GALNT18: variants seen among roughly 807,000 people sequenced by gnomAD.
GALNT18 encodes the protein GalNAc-transferase 18.
Under a neutral mutation model 69.5 loss-of-function variants are expected in GALNT18, and 44 were observed. That is an observed-to-expected ratio of 0.63 (90% confidence interval 0.50 to 0.81). GALNT18 has a LOEUF of 0.81. Among genes scored for constraint, GALNT18 ranks in the 40% least tolerant of loss-of-function variants. GALNT18 has a pLI of 0.00. For synonymous variants in GALNT18, 364 were observed against 318.2 expected (o/e 1.14, Z -1.53); for missense variants, 715 against 810.0 (o/e 0.88, Z 1.42).
At chr11:11,441,663 T>G (rs1458205302) in intron 2 of GALNT18, among the ~76,000 whole-genome samples, 2 of 152,188 alleles carry the variant, frequency 1.3e-5, no homozygotes, top group African/African-American at 2.4e-5. Context: ...GTTAAGCATT[T>G]GTACAGAACC....
At chr11:11,581,207 C>G (rs1281090580) in intron 1 of GALNT18, among the ~76,000 whole-genome samples, 2 of 152,212 alleles carry the variant, frequency 1.3e-5, no homozygotes, top group Admixed American at 6.5e-5. Context: ...GGGGCCCCGA[C>G]AGCACTGTCC....
At chr11:11,333,888 T>G (rs1850063365) in intron 7 of GALNT18, among the ~76,000 whole-genome samples, 1 of 151,870 alleles carries the variant, frequency 6.6e-6, no homozygotes, top group African/African-American at 2.4e-5. Flanking sequence ...AAAAAGCTGA[T>G]GCAAAAGCAG....
rs577366355 is a variant in GALNT18 at position 11,295,137 on chromosome 11, T to G, written c.1513-1944A>C. 1.8e-3 allele frequency among the ~76,000 whole-genome samples: 271 copies of G among 152,062 alleles called. 1 individual carries two copies. Among genetic ancestry groups the G allele is most frequent in the African/African-American group, 6.3e-3 (261 of 41,502 alleles). Reference sequence around the variant, plus strand: ...AGGCAGTGCAGGTGAGGAGGGTGAGTAAGCGTGGTCCTTCACGGCAGATTC... The same window carrying G: ...AGGCAGTGCAGGTGAGGAGGGTGAGGAAGCGTGGTCCTTCACGGCAGATTC... On this transcript the variant is annotated intron_variant, in intron 9 of 10. Transcript: ENST00000227756.
intron 1 of GALNT18, among the ~76,000 whole-genome samples, chr11:11,581,008 C>A (rs944730267): frequency 5.9e-5 from 9 of 152,266 alleles, no homozygotes; most frequent in Non-Finnish European, 1.2e-4. Flanking sequence ...TCACAGCTCC[C>A]TGCGGCCGTT....
chr11:11,372,484 C>A lies in GALNT18; in HGVS notation c.1092+31G>T. ...CTCATTCACCCTGGTGGGAGCTGAG[C>A]CGAGCAGTTTGAGTGAGAAACCCCA... On this transcript the variant is annotated intron_variant, in intron 6 of 10. Coordinates refer to ENST00000227756, the MANE Select transcript of GALNT18 (RefSeq NM_198516.3). This position sits in a 1 kb window ranked among gnomAD's most constrained non-coding sequence, Gnocchi z 4.9. 6.4e-7 allele frequency: 1 copy of A among 1,562,884 alleles called. No homozygotes were observed.
chr11:11,332,937 T>C lies in GALNT18; in HGVS notation c.1279-106A>G. The C allele has an allele frequency of 7.9e-7, 1 of 1,261,842 alleles. No homozygotes were observed. Among genetic ancestry groups the C allele is most frequent in the Non-Finnish European group, 1.1e-6 (1 of 887,120 alleles). 78.2% of individuals were successfully genotyped at this position (1,261,842 alleles called of 1,614,324 possible). On this transcript the variant is annotated intron_variant, in intron 7 of 10. Coordinates refer to ENST00000227756, the MANE Select transcript of GALNT18 (RefSeq NM_198516.3). This position sits in a 1 kb window ranked among gnomAD's most constrained non-coding sequence, Gnocchi z 4.3. ...TGCCCCCAACAAGATTCCTAGAGAC[T>C]GGGGAAGGGACCATGTGGCACGTTA...
chr11:11,274,166 T>C (rs2132974038), intron 10 of GALNT18, among the ~76,000 whole-genome samples: 1 of 152,296 alleles, frequency 6.6e-6, no homozygotes, highest in Non-Finnish European at 1.5e-5. Context: ...GATACTGTGC[T>C]TTTCCCACGG....
chr11:11,551,369 C>T (rs1233117201), intron 1 of GALNT18, among the ~76,000 whole-genome samples: 1 of 152,170 alleles, frequency 6.6e-6, no homozygotes, highest in Non-Finnish European at 1.5e-5. Context: ...AGACCACTGC[C>T]TTAGCCTGCG....
chr11:11,462,351 A>G (rs1280549677), intron 1 of GALNT18, among the ~76,000 whole-genome samples: 3 of 148,850 alleles, frequency 2.0e-5, no homozygotes, highest in Non-Finnish European at 3.0e-5. Context: ...ATCTCAGCTC[A>G]CTGCAACCTC....
chr11:11,506,662 T>C (rs191800212), intron 1 of GALNT18, among the ~76,000 whole-genome samples: 22 of 152,306 alleles, frequency 1.4e-4, no homozygotes, highest in Non-Finnish European at 1.5e-5. Context: ...AAAAGGACTA[T>C]GAGAAAGAAC....
chr11:11,422,432 G>A (rs1451660714), intron 3 of GALNT18, among the ~76,000 whole-genome samples: 2 of 152,202 alleles, frequency 1.3e-5, no homozygotes, highest in African/African-American at 4.8e-5. Flanking sequence ...AGTTGCACTG[G>A]TCAAAGCCAT....
At chr11:11,291,315 AAGAG>A (rs78462885) in intron 10 of GALNT18, among the ~76,000 whole-genome samples, 4 of 150,006 alleles carry the variant, frequency 2.7e-5, no homozygotes, top group Admixed American at 6.6e-5. Context: ...GATGAGAAGT[AAGAG>A]AGAATTTGAA....
intron 1 of GALNT18, among the ~76,000 whole-genome samples, chr11:11,499,228 C>T (rs1249247499): frequency 6.6e-6 from 1 of 152,210 alleles, no homozygotes; most frequent in African/African-American, 2.4e-5. Context: ...ACTGTATTCC[C>T]TCCTCTGGTC....
At chr11:11,609,284 C>A (rs1859831385) in intron 1 of GALNT18, among the ~76,000 whole-genome samples, 1 of 152,192 alleles carries the variant, frequency 6.6e-6, no homozygotes, top group Non-Finnish European at 1.5e-5. Context: ...TTCCCCTACC[C>A]CCTTTTCCCA....
Position 11,595,490 on chromosome 11 carries a change from A to G in GALNT18, c.235+25869T>C, listed in dbSNP as rs532547829. Among the ~76,000 whole-genome samples the G allele has an allele frequency of 5.9e-5, 9 of 152,154 alleles. No homozygotes were observed. The highest frequency in any genetic ancestry group is 1.3e-4 in the Non-Finnish European group (9 of 68,038). ...GCTACCCAGTTTTGTTTATTTTGTT[A>G]TGGCAGCCGAGATGAACTAAGACAC... On this transcript the variant is annotated intron_variant, in intron 1 of 10. Transcript: ENST00000227756. The surrounding 1 kb of genome is among the most constrained non-coding windows in gnomAD (Gnocchi z 5.2).
At position 11,563,658 on chromosome 11, in the gene GALNT18, G is replaced by A. The variant is rs1472944361; in HGVS notation, c.235+57701C>T. On this transcript the variant is annotated intron_variant, in intron 1 of 10. Transcript: ENST00000227756. The surrounding 1 kb of genome is among the most constrained non-coding windows in gnomAD (Gnocchi z 4.6). ...AAGGCTAGCTTGTGGTTGCTGGTGG[G>A]GGCCCCACAGCCGGCAAGTGGGATT... Among the ~76,000 whole-genome samples the A allele has an allele frequency of 1.3e-5, 2 of 152,170 alleles. No homozygotes were observed. The highest frequency in any genetic ancestry group is 2.4e-5 in the African/African-American group (1 of 41,442).
intron 6 of GALNT18, among the ~76,000 whole-genome samples, chr11:11,353,518 TA>T (rs1336018983): frequency 1.2e-4 from 19 of 152,230 alleles, no homozygotes; most frequent in Non-Finnish European, 8.8e-5. Flanking sequence ...ATGTTTAATT[TA>T]TACTTTCCTA....
rs1026977545 is a variant in GALNT18 at position 11,496,405 on chromosome 11, C to A, written c.236-47469G>T. Among the ~76,000 whole-genome samples the A allele has an allele frequency of 2.0e-5, 3 of 152,160 alleles. No homozygotes were observed. Among genetic ancestry groups the A allele is most frequent in the Admixed American group, 1.3e-4 (2 of 15,278 alleles). On this transcript the variant is annotated intron_variant, in intron 1 of 10. Coordinates refer to ENST00000227756, the MANE Select transcript of GALNT18 (RefSeq NM_198516.3). This position sits in a 1 kb window ranked among gnomAD's most constrained non-coding sequence, Gnocchi z 4.0. ...CAGCTCTTGCCTGACTCAGTTGAACCCAACTAGCAGCCCCTCAAGTTTAGC... is the reference window on the plus strand; with the variant it reads ...CAGCTCTTGCCTGACTCAGTTGAACACAACTAGCAGCCCCTCAAGTTTAGC...
chr11:11,333,565 C>T (rs1590043175), intron 7 of GALNT18, among the ~76,000 whole-genome samples: 1 of 152,140 alleles, frequency 6.6e-6, no homozygotes, highest in East Asian at 1.9e-4. Context: ...TAACGTTACT[C>T]TACGTGTTTG....
Sources: allele counts gnomAD v4.1 joint callset (sites outside exome capture counted in the v4.1 genomes callset), GRCh38; gene constraint gnomAD v4.1.1; non-coding constraint Gnocchi (gnomAD v3.1); transcripts MANE v1.5; gene names NCBI Gene and HGNC (gene_info 2026-07-23, HGNC 2026-07-21).